The following PSD3 variants were observed in gnomAD, a reference collection of about 807,000 sequenced individuals.
PSD3 encodes pleckstrin and Sec7 domain containing 3, also known as PH and SEC7 domain-containing protein 3.
A neutral mutation model predicts 105.5 loss-of-function variants in PSD3; 49 were observed. That is an observed-to-expected ratio of 0.46 (90% CI 0.37 to 0.59). PSD3 has a LOEUF of 0.59. PSD3 is among the 20% of genes least tolerant of loss of function. The pLI is 0.00. For missense variants in PSD3, 1,561 were observed against 1,263.8 expected (o/e 1.24, Z -3.57); for synonymous variants, 557 against 457.8 (o/e 1.22, Z -2.77).
At chr8:18,712,945 T>C (rs1005887096) in intron 9 of PSD3, among the ~76,000 whole-genome samples, 11 of 152,182 alleles carry the variant, frequency 7.2e-5, no homozygotes, top group Admixed American at 6.5e-4. Context: ...CATGATGAAG[T>C]TGGCTTCATC....
chr8:18,983,248 G>C (rs1400523025), intron 1 of PSD3, among the ~76,000 whole-genome samples: 1 of 152,188 alleles, frequency 6.6e-6, no homozygotes, highest in East Asian at 1.9e-4. Context: ...CTCTGAATTA[G>C]GTTTTGTTTT....
At chr8:18,818,498 C>T (rs17127267) in intron 4 of PSD3, among the ~76,000 whole-genome samples, 6,239 of 152,078 alleles carry the variant, frequency 0.041, 142 homozygotes, top group Admixed American at 0.069. Flanking sequence ...CCATCTAACT[C>T]AATCTCAAAG....
chr8:18,639,144 C>A (rs991917774), intron 10 of PSD3, among the ~76,000 whole-genome samples: 1 of 152,286 alleles, frequency 6.6e-6, no homozygotes, highest in East Asian at 1.9e-4. Context: ...CCTTGCATCC[C>A]AAGAGAGGGA....
intron 2 of PSD3, among the ~76,000 whole-genome samples, chr8:18,930,432 A>T (rs1009091278): frequency 6.6e-6 from 1 of 152,158 alleles, no homozygotes; most frequent in African/African-American, 2.4e-5. Context: ...AAACAGTGAA[A>T]CCGGAGGACA....
intron 1 of PSD3, among the ~76,000 whole-genome samples, chr8:19,061,179 T>C (rs753575042): frequency 5.3e-5 from 8 of 152,132 alleles, no homozygotes; most frequent in Non-Finnish European, 1.0e-4. Context: ...AAAATCGTAG[T>C]TGACTCCTTG....
chr8:18,583,002 AT>A (rs1379000650), intron 12 of PSD3, among the ~76,000 whole-genome samples: 1 of 151,870 alleles, frequency 6.6e-6, no homozygotes, highest in Non-Finnish European at 1.5e-5. Context: ...TAATTTTTGC[AT>A]TTTTAGTAGA....
chr8:18,727,159 AG>A (rs938799514), intron 9 of PSD3, among the ~76,000 whole-genome samples: 6 of 152,040 alleles, frequency 3.9e-5, no homozygotes, highest in Non-Finnish European at 5.9e-5. Flanking sequence ...AACATGGTGA[AG>A]CCCCATCTCT....
chr8:18,747,283 T>C (rs2129436503), intron 9 of PSD3, among the ~76,000 whole-genome samples: 1 of 152,294 alleles, frequency 6.6e-6, no homozygotes, highest in South Asian at 2.1e-4. Flanking sequence ...AAGCTTTTAA[T>C]TAGATATTAC....
At chr8:18,748,325 T>C (rs1277102428) in intron 9 of PSD3, among the ~76,000 whole-genome samples, 1 of 151,994 alleles carries the variant, frequency 6.6e-6, no homozygotes, top group East Asian at 1.9e-4. Context: ...TATAAATAAA[T>C]TAGGTGAAAA....
intron 15 of PSD3, among the ~76,000 whole-genome samples, chr8:18,553,340 A>G (rs1800888402): frequency 6.6e-6 from 1 of 151,634 alleles, no homozygotes; most frequent in Non-Finnish European, 1.5e-5. Flanking sequence ...CTCCCACTGA[A>G]CTGCAGACAC....
In PSD3 at chr8:18,690,743, G is replaced by C. The variant is rs548586882; in HGVS notation, c.2173-35058C>G. ...AATAAACACTTGGCCCACAGTGCCG[G>C]GCTACCTCTTCCTCGCTGTCTGGTC... On this transcript the variant is annotated intron_variant, in intron 9 of 15. Transcript: ENST00000327040. Among the ~76,000 whole-genome samples, 4 of 152,262 alleles carry C rather than the reference G, an allele frequency of 2.6e-5. No individual in the cohort carries two copies. In the South Asian group the frequency reaches 8.3e-4, roughly 32 times the overall value.
At chr8:18,868,773 A>T (rs919607017) in intron 3 of PSD3, among the ~76,000 whole-genome samples, 1 of 152,234 alleles carries the variant, frequency 6.6e-6, no homozygotes, top group African/African-American at 2.4e-5. Context: ...ACAAATATTA[A>T]AAACGAACAT....
At chr8:18,997,806 T>C (rs2129474026) in intron 1 of PSD3, among the ~76,000 whole-genome samples, 1 of 151,926 alleles carries the variant, frequency 6.6e-6, no homozygotes, top group African/African-American at 2.4e-5. Flanking sequence ...TCCTCATGCG[T>C]CACCTCAACA....
intron 2 of PSD3, among the ~76,000 whole-genome samples, chr8:18,890,456 G>A (rs1395469689): frequency 2.6e-5 from 4 of 152,184 alleles, no homozygotes; most frequent in Admixed American, 2.6e-4. Context: ...TGAGCCGAGA[G>A]GAGAGAGGTG....
chr8:18,753,453 G>C (rs1310220641), intron 9 of PSD3, among the ~76,000 whole-genome samples: 4 of 152,062 alleles, frequency 2.6e-5, no homozygotes. Context: ...GCATTATCCA[G>C]AAAATACTTC....
At chr8:18,620,148 C>G (rs1308548117) in intron 11 of PSD3, among the ~76,000 whole-genome samples, 1 of 152,208 alleles carries the variant, frequency 6.6e-6, no homozygotes, top group Non-Finnish European at 1.5e-5. Context: ...CAACCAATAA[C>G]TCAACCATCC....
intron 1 of PSD3, among the ~76,000 whole-genome samples, chr8:19,073,550 CAAAAAAAAAAAAAAAA>C (rs869154642): frequency 9.5e-4 from 66 of 69,152 alleles, no homozygotes; most frequent in African/African-American, 3.8e-3. Flanking sequence ...AACTGTCTCT[CAAAAAAAAAAAAAAAA>C]AAAAAAAAAA....
At chr8:18,897,421 A>G (rs1819222462) in intron 2 of PSD3, among the ~76,000 whole-genome samples, 1 of 152,068 alleles carries the variant, frequency 6.6e-6, no homozygotes, top group Non-Finnish European at 1.5e-5. Flanking sequence ...ATGGTTTTGC[A>G]GTATATTTTG....
chr8:18,709,271 C>T (rs925686893), intron 9 of PSD3, among the ~76,000 whole-genome samples: 2 of 152,190 alleles, frequency 1.3e-5, no homozygotes, highest in African/African-American at 4.8e-5. Flanking sequence ...CTGATCCATC[C>T]CTCCTCACTG....
Sources: allele counts gnomAD v4.1 joint callset (sites outside exome capture counted in the v4.1 genomes callset), GRCh38; gene constraint gnomAD v4.1.1; transcripts MANE v1.5; gene names NCBI Gene and HGNC (gene_info 2026-07-23, HGNC 2026-07-21).